The following CD96 variants were observed in gnomAD, a reference collection of about 807,000 sequenced individuals.
CD96 encodes the protein CD96 molecule.
Under a neutral mutation model 71.3 loss-of-function variants are expected in CD96, and 70 were observed. The ratio of observed to expected loss-of-function variants is 0.98; its 90% CI spans 0.81 to 1.20. The LOEUF (loss-of-function observed/expected upper bound fraction) is 1.20. Among genes scored for constraint, CD96 ranks in the 50% most tolerant of loss-of-function variants. The probability of loss-of-function intolerance (pLI) is 0.00; values close to 1 mark genes in which losing one functional copy is unlikely to be tolerated. For missense variants in CD96, 742 were observed against 677.5 expected (o/e 1.10, Z -1.06); for synonymous variants, 248 against 233.0 (o/e 1.06, Z -0.59).
At chr3:111,655,787 T>C (rs1940213954), downstream of CD96, among the ~76,000 whole-genome samples, 1 of 152,038 alleles carries the variant, frequency 6.6e-6, no homozygotes, top group South Asian at 2.1e-4. Flanking sequence ...GAAAAAGGGA[T>C]ATTTTCTTAA....
intron 12 of CD96, among the ~76,000 whole-genome samples, chr3:111,641,401 G>A (rs1939584611): frequency 6.6e-6 from 1 of 152,160 alleles, no homozygotes; most frequent in Non-Finnish European, 1.5e-5. Flanking sequence ...AAAAGACAAA[G>A]AGGACAGTAT....
At chr3:111,617,416 AC>A (rs2107693661) in intron 8 of CD96, among the ~76,000 whole-genome samples, 1 of 152,300 alleles carries the variant, frequency 6.6e-6, no homozygotes, top group African/African-American at 2.4e-5. Context: ...CCATCTATGG[AC>A]CAATCACCAT....
chr3:111,566,133 A>G (rs1289151687), intron 2 of CD96, among the ~76,000 whole-genome samples: 1 of 150,842 alleles, frequency 6.6e-6, no homozygotes, highest in Non-Finnish European at 1.5e-5. Flanking sequence ...TTGCCTTTTT[A>G]TTTTGATGGA....
chr3:111,549,070 G>A (rs1020979139), intron 2 of CD96, among the ~76,000 whole-genome samples: 1 of 152,092 alleles, frequency 6.6e-6, no homozygotes, highest in Non-Finnish European at 1.5e-5. Context: ...GTATGAGAGG[G>A]TATAATAGGA....
chr3:111,645,646 T>A (rs1939794656), intron 12 of CD96, among the ~76,000 whole-genome samples: 1 of 152,208 alleles, frequency 6.6e-6, no homozygotes, highest in Admixed American at 6.5e-5. Context: ...CAGAACTTTG[T>A]CTAGTCCTGA....
rs144120524 is a variant in CD96, at chr3:111,652,093, A to C, written c.*2287A>C. 1 of 152,218 alleles carries C rather than the reference A, an allele frequency of 6.6e-6. No individual in the cohort carries two copies. Among genetic ancestry groups the C allele is most frequent in the East Asian group, 1.9e-4 (1 of 5,156 alleles). 9.4% of individuals were successfully genotyped at this position (152,218 alleles called of 1,614,324 possible). A position where few individuals can be genotyped will look rare whatever the true frequency, so the allele number is the denominator to read the frequency against. ...CAAGAGAGCCAGAACTACCCAGCTA[A>C]GCCTTTTACTAAATTTCTGAACTTC... On this transcript the variant is annotated 3_prime_UTR_variant, in exon 14 of 14. Transcript: ENST00000352690.
intron 10 of CD96, among the ~76,000 whole-genome samples, chr3:111,625,097 T>C (rs1307098122): frequency 6.6e-6 from 1 of 152,224 alleles, no homozygotes; most frequent in Non-Finnish European, 1.5e-5. Context: ...CAAAGCGTAA[T>C]GTGTATGTCC....
chr3:111,562,258 C>T (rs1559721227), intron 2 of CD96, among the ~76,000 whole-genome samples: 1 of 152,330 alleles, frequency 6.6e-6, no homozygotes, highest in Non-Finnish European at 1.5e-5. Flanking sequence ...TTTGAAGTCT[C>T]TTAAATTCAA....
intron 13 of CD96, among the ~76,000 whole-genome samples, chr3:111,649,337 G>C (rs1029841101): frequency 6.6e-6 from 1 of 152,166 alleles, no homozygotes; most frequent in African/African-American, 2.4e-5. Context: ...GTAGAATGGT[G>C]ATGCATTTCC....
Position 111,651,860 on chromosome 3 carries a change from G to A in CD96, c.*2054G>A, listed in dbSNP as rs1487880863. On this transcript the variant is annotated 3_prime_UTR_variant, in exon 14 of 14. Coordinates refer to ENST00000352690, the MANE Select transcript of CD96 (RefSeq NM_005816.5). ...TTGTGCCACTGCACACTCCAATCTGGGTGAAAGACCGAGACTCCGCCTCAA... is the reference window on the plus strand; with the variant it reads ...TTGTGCCACTGCACACTCCAATCTGAGTGAAAGACCGAGACTCCGCCTCAA... The A allele has an allele frequency of 6.7e-6, 1 of 149,524 alleles. No individual in the cohort carries two copies. Among genetic ancestry groups the A allele is most frequent in the African/African-American group, 2.5e-5 (1 of 39,956 alleles). 9.3% of individuals were successfully genotyped at this position (149,524 alleles called of 1,614,324 possible). A position where few individuals can be genotyped will look rare whatever the true frequency, so the allele number is the denominator to read the frequency against.
At chr3:111,655,337 TA>T (rs1010336851), downstream of CD96, among the ~76,000 whole-genome samples, 1 of 152,222 alleles carries the variant, frequency 6.6e-6, no homozygotes, top group Admixed American at 6.5e-5. Context: ...AAATTGATAT[TA>T]AAAAAATCTA....
intron 5 of CD96, among the ~76,000 whole-genome samples, chr3:111,589,900 C>T (rs966466303): frequency 1.3e-5 from 2 of 152,180 alleles, no homozygotes; most frequent in Non-Finnish European, 2.9e-5. Flanking sequence ...TAATTAACCT[C>T]CACGAGCCTC....
At position 111,600,842 on chromosome 3, in the gene CD96, T is replaced by C. The variant is rs767296443; in HGVS notation, c.1015T>C (p.Cys339Arg). The change falls in exon 7 of 14, where the codon TGT becomes CGT. Residue 339 changes from cysteine (C) to arginine (R), a missense_variant. Transcript: ENST00000352690. Reference protein sequence around the residue: ...PAQSDNLTIWCMALSPVPGNK... With the variant: ...PAQSDNLTIWRMALSPVPGNK... ...CCAATCAGACAACTTGACCATTTGG[T>C]GTATGGCTCTGTCTCCAGTCCCAGG... 1.2e-6 allele frequency: 2 copies of C among 1,613,042 alleles called. No homozygotes were observed. The highest frequency in any genetic ancestry group is 4.5e-5 in the East Asian group (2 of 44,870).
In CD96 at chr3:111,600,923, T is replaced by G; in HGVS notation, c.1087+9T>G. On this transcript the variant is annotated intron_variant, in intron 7 of 13. Transcript: ENST00000352690. The stretch of plus-strand genomic sequence containing the variant: ...GATCACTTTTCTCTTAGGTGAGTTG[T>G]CTATTTAATAAGATCAACAAGAGTT... 6.4e-7 allele frequency: 1 copy of G among 1,562,450 alleles called. No individual in the cohort carries two copies. The highest frequency in any genetic ancestry group is 8.8e-7 in the Non-Finnish European group (1 of 1,133,378).
chr3:111,582,121 C>T (rs1453325465), intron 4 of CD96, among the ~76,000 whole-genome samples: 3 of 152,174 alleles, frequency 2.0e-5, no homozygotes, highest in Non-Finnish European at 2.9e-5. Context: ...GTTTTTACTA[C>T]TTGTGGACTA....
chr3:111,582,509 C>A (rs1272428887), intron 4 of CD96, among the ~76,000 whole-genome samples: 1 of 152,158 alleles, frequency 6.6e-6, no homozygotes, highest in Non-Finnish European at 1.5e-5. Flanking sequence ...AAACAAGAAT[C>A]AAATGTTTCT....
At chr3:111,612,280 T>A (rs952120571) in intron 8 of CD96, among the ~76,000 whole-genome samples, 4 of 152,208 alleles carry the variant, frequency 2.6e-5, no homozygotes, top group Non-Finnish European at 4.4e-5. Context: ...TGAACTAGAA[T>A]GGGCATTTGT....
At chr3:111,618,208 A>C (rs1382884831) in intron 8 of CD96, among the ~76,000 whole-genome samples, 2 of 152,176 alleles carry the variant, frequency 1.3e-5, no homozygotes, top group Non-Finnish European at 2.9e-5. Flanking sequence ...CAGACCAAGC[A>C]CAGCCTGCCA....
intron 5 of CD96, chr3:111,594,308 G>A: frequency 7.2e-7 from 1 of 1,393,316 alleles, no homozygotes; most frequent in Non-Finnish European, 9.7e-7. Context: ...GGTAACTCTT[G>A]GGGATTCACA....
Sources: allele counts gnomAD v4.1 joint callset (sites outside exome capture counted in the v4.1 genomes callset), GRCh38; gene constraint gnomAD v4.1.1; transcripts MANE v1.5; gene names NCBI Gene and HGNC (gene_info 2026-07-23, HGNC 2026-07-21).